IQCM: variants seen among roughly 807,000 people sequenced by gnomAD.
The protein encoded by IQCM is IQ domain-containing protein M.
In IQCM, 45 loss-of-function variants were observed where a neutral mutation model predicts 57.6. The observed-to-expected ratio is 0.78, with a 90% CI of 0.62 to 1.00. IQCM has a LOEUF of 1.00. Among genes scored for constraint, IQCM ranks in the 50% least tolerant of loss-of-function variants. The probability of loss-of-function intolerance (pLI) is 0.00; values close to 1 mark genes in which losing one functional copy is unlikely to be tolerated. For synonymous variants in IQCM, 148 were observed against 158.9 expected (o/e 0.93, Z 0.51); for missense variants, 468 against 511.6 (o/e 0.91, Z 0.82).
intron 7 of IQCM, among the ~76,000 whole-genome samples, chr4:149,680,549 C>G (rs1345655859): frequency 6.6e-6 from 1 of 151,176 alleles, no homozygotes; most frequent in Non-Finnish European, 1.5e-5. Flanking sequence ...GTGGTTTTTC[C>G]TTTTTAATTT....
At chr4:149,564,837 T>C (rs1399392705) in intron 9 of IQCM, among the ~76,000 whole-genome samples, 4 of 152,036 alleles carry the variant, frequency 2.6e-5, no homozygotes, top group Non-Finnish European at 4.4e-5. Context: ...ATTCCATTAG[T>C]TCTGTCCCTC....
chr4:149,380,764 A>T (rs1221915006), intron 13 of IQCM, among the ~76,000 whole-genome samples: 1 of 152,160 alleles, frequency 6.6e-6, no homozygotes, highest in East Asian at 1.9e-4. Context: ...CAGGAAAGAG[A>T]GGGAGAGAGA....
intron 12 of IQCM, among the ~76,000 whole-genome samples, chr4:149,462,868 A>G (rs1159698051): frequency 2.0e-5 from 3 of 152,222 alleles, no homozygotes; most frequent in Non-Finnish European, 4.4e-5. Flanking sequence ...CTGCAGGAGA[A>G]CATACAAATC....
intron 12 of IQCM, among the ~76,000 whole-genome samples, chr4:149,477,968 T>C (rs1740378773): frequency 6.6e-6 from 1 of 152,176 alleles, no homozygotes; most frequent in African/African-American, 2.4e-5. Flanking sequence ...TGTATGACAC[T>C]GGGCAAATTT....
At position 149,593,015 on chromosome 4, in the gene IQCM, G is replaced by C. The variant is rs537814185; in HGVS notation, c.682-5018C>G. Among the ~76,000 whole-genome samples, 1,281 of 152,236 alleles carry C rather than the reference G, an allele frequency of 8.4e-3. 13 individuals carry two copies. Among genetic ancestry groups the C allele is most frequent in the Middle Eastern group, 0.02 (6 of 294 alleles). On this transcript the variant is annotated intron_variant, in intron 8 of 13. Coordinates refer to ENST00000636793, the MANE Select transcript of IQCM (RefSeq NM_001363507.2). ...GAAGAAAGTCATTGGTAGCTTGATGGGGATGGCATTGAATCTATAAATTAC... is the reference window on the plus strand; with the variant it reads ...GAAGAAAGTCATTGGTAGCTTGATGCGGATGGCATTGAATCTATAAATTAC...
intron 12 of IQCM, among the ~76,000 whole-genome samples, chr4:149,488,934 A>G (rs776543420): frequency 4.6e-5 from 7 of 152,138 alleles, no homozygotes; most frequent in Non-Finnish European, 1.0e-4. Flanking sequence ...ATGAATGGCT[A>G]TGCAAAAACA....
chr4:149,815,421 T>C lies in IQCM; in HGVS notation c.-86-73A>G, dbSNP rs1244107643. ...AACAAAAAACATTGTCAACCATATA[T>C]CTTATCATCTAAGCAAAAAAATTTA... On this transcript the variant is annotated intron_variant, in intron 1 of 13. Transcript: ENST00000636793. 2.6e-5 allele frequency: 4 copies of C among 151,920 alleles called. No homozygotes were observed. The East Asian group carries it at 5.8e-4, about 22-fold the overall frequency. 9.4% of individuals were successfully genotyped at this position (151,920 alleles called of 1,614,324 possible).
chr4:149,472,868 G>A (rs888715309), intron 12 of IQCM, among the ~76,000 whole-genome samples: 2 of 152,104 alleles, frequency 1.3e-5, no homozygotes, highest in Non-Finnish European at 2.9e-5. Flanking sequence ...AAAAAGAAAT[G>A]GAGAAAGGAT....
At chr4:149,483,562 T>G (rs1412264149) in intron 12 of IQCM, among the ~76,000 whole-genome samples, 1 of 151,970 alleles carries the variant, frequency 6.6e-6, no homozygotes, top group Non-Finnish European at 1.5e-5. Flanking sequence ...TTAATTTCCA[T>G]GTGTTTGTAT....
chr4:149,748,130 A>G (rs1768100423), intron 2 of IQCM, among the ~76,000 whole-genome samples: 3 of 152,204 alleles, frequency 2.0e-5, no homozygotes, highest in Non-Finnish European at 4.4e-5. Flanking sequence ...AACAGGTGGA[A>G]AGCCTGGCTG....
intron 5 of IQCM, among the ~76,000 whole-genome samples, chr4:149,707,314 A>G (rs1224994093): frequency 6.6e-6 from 1 of 152,078 alleles, no homozygotes; most frequent in Non-Finnish European, 1.5e-5. Context: ...AACAGGGAAT[A>G]ATAATGCTTT....
At chr4:149,606,054 G>A (rs1029301881) in intron 8 of IQCM, among the ~76,000 whole-genome samples, 26 of 152,302 alleles carry the variant, frequency 1.7e-4, no homozygotes, top group Admixed American at 7.2e-4. Flanking sequence ...ACCACCTTCT[G>A]ACTAAAATGG....
At chr4:149,704,196 C>T (rs1763984117) in intron 5 of IQCM, among the ~76,000 whole-genome samples, 1 of 151,824 alleles carries the variant, frequency 6.6e-6, no homozygotes. Context: ...CACTATAAAA[C>T]TAACACTGAA....
intron 6 of IQCM, 105 bp downstream of exon 6, chr4:149,686,272 TG>T: frequency 4.6e-6 from 2 of 433,322 alleles, no homozygotes; most frequent in Non-Finnish European, 7.7e-6. Flanking sequence ...GCTTCATGTA[TG>T]GGGTGTTAAT....
intron 13 of IQCM, among the ~76,000 whole-genome samples, chr4:149,355,760 G>A (rs896377636): frequency 6.6e-6 from 1 of 152,086 alleles, no homozygotes; most frequent in Non-Finnish European, 1.5e-5. Flanking sequence ...TATATACCCA[G>A]TAATGGGATG....
At chr4:149,404,822 T>C (rs1423595587) in intron 13 of IQCM, among the ~76,000 whole-genome samples, 1 of 151,876 alleles carries the variant, frequency 6.6e-6, no homozygotes, top group Middle Eastern at 3.2e-3. Context: ...TATGGAAAAA[T>C]ATGAATTAAC....
intron 13 of IQCM, among the ~76,000 whole-genome samples, chr4:149,418,242 TA>T (rs1477665666): frequency 6.8e-6 from 1 of 146,286 alleles, no homozygotes; most frequent in Non-Finnish European, 1.5e-5. Flanking sequence ...ATAGACACAA[TA>T]AAAAAAGATA....
intron 5 of IQCM, among the ~76,000 whole-genome samples, chr4:149,713,556 G>A (rs1188935753): frequency 2.0e-5 from 3 of 152,106 alleles, no homozygotes; most frequent in Non-Finnish European, 4.4e-5. Flanking sequence ...TCTCCCGTCT[G>A]TATTTCATAT....
At chr4:149,551,769 T>A (rs1023404039) in intron 11 of IQCM, among the ~76,000 whole-genome samples, 1 of 151,980 alleles carries the variant, frequency 6.6e-6, no homozygotes, top group Non-Finnish European at 1.5e-5. Context: ...GTATGGAGAG[T>A]TTACGGGCAA....
Sources: gnomAD v4.1 joint callset for allele counts (sites outside exome capture counted in the v4.1 genomes callset) on GRCh38, gnomAD v4.1.1 for gene constraint, MANE v1.5 for transcripts, NCBI Gene and HGNC (gene_info 2026-07-23, HGNC 2026-07-21) for gene names.